DPF3: variants seen among roughly 807,000 people sequenced by gnomAD.
The protein encoded by DPF3 is double PHD fingers 3, also known as zinc finger protein DPF3.
DPF3 carries 18 observed loss-of-function variants against 56.8 expected under a neutral mutation model. That is an observed-to-expected ratio of 0.32 (90% confidence interval 0.22 to 0.47). DPF3 has a LOEUF of 0.47. Among genes scored for constraint, DPF3 ranks in the 20% least tolerant of loss-of-function variants. DPF3 has a pLI of 1.00. For synonymous variants in DPF3, 188 were observed against 180.2 expected (o/e 1.04, Z -0.35); for missense variants, 403 against 488.8 (o/e 0.82, Z 1.65).
chr14:72,706,837 T>C (rs1567206626), intron 6 of DPF3, among the ~76,000 whole-genome samples: 1 of 152,096 alleles, frequency 6.6e-6, no homozygotes, highest in Non-Finnish European at 1.5e-5. Flanking sequence ...TCTTTTATTA[T>C]TATTATACTT....
intron 2 of DPF3, among the ~76,000 whole-genome samples, chr14:72,765,238 A>G (rs937943072): frequency 6.6e-6 from 1 of 152,242 alleles, no homozygotes; most frequent in Non-Finnish European, 1.5e-5. Flanking sequence ...AAAATTTTCA[A>G]ACTGACCACA....
intron 8 of DPF3, among the ~76,000 whole-genome samples, chr14:72,651,903 T>C (rs770086914): frequency 7.9e-5 from 12 of 152,032 alleles, no homozygotes; most frequent in Non-Finnish European, 1.6e-4. Context: ...TCAGGCTCAT[T>C]TGCACACTGG....
At chr14:72,701,027 A>G (rs1008674311) in intron 6 of DPF3, among the ~76,000 whole-genome samples, 1 of 152,238 alleles carries the variant, frequency 6.6e-6, no homozygotes, top group African/African-American at 2.4e-5. Context: ...AAAATAAAGT[A>G]CTGGAACCAT....
At chr14:72,759,167 A>C (rs536832941) in intron 2 of DPF3, among the ~76,000 whole-genome samples, 45 of 152,374 alleles carry the variant, frequency 3.0e-4, no homozygotes, top group African/African-American at 1.1e-3. Context: ...GATGAAAATC[A>C]TATCAGAGGG....
intron 6 of DPF3, among the ~76,000 whole-genome samples, chr14:72,707,677 C>CGTGTGTGTGT (rs34662853): frequency 6.7e-6 from 1 of 150,056 alleles, no homozygotes; most frequent in African/African-American, 2.4e-5. Context: ...CTTCTGTGTG[C>CGTGTGTGTGT]GTGTGTGTGT....
chr14:72,862,959 T>C lies in DPF3; in HGVS notation c.32+31098A>G, dbSNP rs569534081. On this transcript the variant is annotated intron_variant, in intron 1 of 10. Transcript: ENST00000556509. ...AGTGTGACTAATTCAACAATAAGTA[T>C]TTGTTGAATTAAATTAATCCTAGGA... Among the ~76,000 whole-genome samples, 28 of 152,084 alleles carry C rather than the reference T, an allele frequency of 1.8e-4. 1 individual carries two copies. Among genetic ancestry groups the C allele is most frequent in the Non-Finnish European group, 3.4e-4 (23 of 68,004 alleles).
chr14:72,844,752 T>C (rs1431585949), intron 1 of DPF3, among the ~76,000 whole-genome samples: 3 of 152,224 alleles, frequency 2.0e-5, no homozygotes, highest in African/African-American at 7.2e-5. Flanking sequence ...AGGCACAGAC[T>C]GTGCATTTGA....
At chr14:72,630,405 C>G (rs1384161905) in intron 8 of DPF3, among the ~76,000 whole-genome samples, 1 of 152,168 alleles carries the variant, frequency 6.6e-6, no homozygotes, top group Non-Finnish European at 1.5e-5. Context: ...CCTAAAAGGA[C>G]TGGTTCCCGG....
intron 1 of DPF3, among the ~76,000 whole-genome samples, chr14:72,835,638 A>G (rs141990338): frequency 6.6e-6 from 1 of 152,260 alleles, no homozygotes; most frequent in East Asian, 1.9e-4. Flanking sequence ...AGACCCTTAA[A>G]TGTCTTCACA....
chr14:72,610,702 G>A lies in DPF3; in HGVS notation c.*8595C>T, dbSNP rs1355814338. On this transcript the variant is annotated 3_prime_UTR_variant, in exon 11 of 11. Transcript: ENST00000556509. ...GAGACCGTGTTCTCAGCCTGAGAGCGCGCTCAAGGGCAGGTGGGAGATGGA... is the reference window on the plus strand; with the variant it reads ...GAGACCGTGTTCTCAGCCTGAGAGCACGCTCAAGGGCAGGTGGGAGATGGA... Among the ~76,000 whole-genome samples the A allele has an allele frequency of 3.3e-5, 5 of 152,194 alleles. No individual in the cohort carries two copies. The highest frequency in any genetic ancestry group is 5.9e-5 in the Non-Finnish European group (4 of 68,026).
At position 72,874,416 on chromosome 14, in the gene DPF3, T is replaced by G. The variant is rs1462371478; in HGVS notation, c.32+19641A>C. ...ATCACTTGAACCCAGGAGGCAGAGG[T>G]TGTGGTGAGCCAAGATCCTGACACT... On this transcript the variant is annotated intron_variant, in intron 1 of 10. Coordinates refer to ENST00000556509, the MANE Select transcript of DPF3 (RefSeq NM_001280542.3). 2.0e-5 allele frequency among the ~76,000 whole-genome samples: 3 copies of G among 151,570 alleles called. No homozygotes were observed. In the East Asian group the frequency reaches 5.8e-4, roughly 29 times the overall value.
rs558419004 is a variant in DPF3 at position 72,846,405 on chromosome 14, G to C, written c.32+47652C>G. On this transcript the variant is annotated intron_variant, in intron 1 of 10. Transcript: ENST00000556509. ...GGCTGGAGTGCAGTGGTGCGATCTC[G>C]GCTCACTGCAAGCTCCGCCTCCTGG... 4.2e-3 allele frequency among the ~76,000 whole-genome samples: 602 copies of C among 143,624 alleles called. 4 individuals carry two copies. The highest frequency in any genetic ancestry group is 0.015 in the African/African-American group (581 of 38,514). The allele number at this position is 143,624 out of a possible 152,430, so 94.2% of individuals were successfully genotyped here.
At chr14:72,769,666 G>A (rs972960386) in intron 2 of DPF3, among the ~76,000 whole-genome samples, 11 of 131,564 alleles carry the variant, frequency 8.4e-5, no homozygotes, top group Admixed American at 3.3e-4. Flanking sequence ...GCTACTGAGT[G>A]AGACTCCATC....
chr14:72,678,982 C>T (rs1045892336), intron 7 of DPF3, among the ~76,000 whole-genome samples: 4 of 152,108 alleles, frequency 2.6e-5, no homozygotes, highest in Non-Finnish European at 4.4e-5. Flanking sequence ...TCAGATAAAT[C>T]AAAGCAAGAA....
chr14:72,764,064 C>T (rs1299059550), intron 2 of DPF3, among the ~76,000 whole-genome samples: 1 of 152,162 alleles, frequency 6.6e-6, no homozygotes, highest in African/African-American at 2.4e-5. Flanking sequence ...TTTTTATATG[C>T]TAATGAGATG....
At chr14:72,662,938 TA>T (rs5809583) in intron 8 of DPF3, 221,812 of 556,634 alleles carry the variant, frequency 0.4, 28,935 homozygotes, top group East Asian at 0.7. Context: ...TGAAATGAAT[TA>T]AAAAAAAAAA....
At chr14:72,874,771 G>A (rs529780588) in intron 1 of DPF3, among the ~76,000 whole-genome samples, 3 of 152,230 alleles carry the variant, frequency 2.0e-5, no homozygotes, top group South Asian at 2.1e-4. Flanking sequence ...ACATTTTCCC[G>A]TCTGCTTCTG....
At chr14:72,843,006 G>C (rs1375816941) in intron 1 of DPF3, among the ~76,000 whole-genome samples, 1 of 152,088 alleles carries the variant, frequency 6.6e-6, no homozygotes, top group African/African-American at 2.4e-5. Flanking sequence ...CCGGGTGACA[G>C]TGTGAGACTC....
At chr14:72,797,338 C>T (rs1892684456) in intron 1 of DPF3, among the ~76,000 whole-genome samples, 1 of 152,218 alleles carries the variant, frequency 6.6e-6, no homozygotes, top group Admixed American at 6.5e-5. Flanking sequence ...TGCCGACCCA[C>T]GGAATAGTAA....
Sources: gnomAD v4.1 joint callset for allele counts (sites outside exome capture counted in the v4.1 genomes callset) on GRCh38, gnomAD v4.1.1 for gene constraint, MANE v1.5 for transcripts, NCBI Gene and HGNC (gene_info 2026-07-23, HGNC 2026-07-21) for gene names.